The following KDM3B variants were observed in gnomAD, a reference collection of about 807,000 sequenced individuals.
KDM3B encodes the protein lysine-specific demethylase 3B.
Under a neutral mutation model 170.0 loss-of-function variants are expected in KDM3B, and 10 were observed. The observed-to-expected ratio is 0.06, with a 90% CI of 0.04 to 0.10. The LOEUF is 0.10. Among genes scored for constraint, KDM3B ranks in the 10% least tolerant of loss-of-function variants. The probability of loss-of-function intolerance (pLI) is 1.00; values close to 1 mark genes in which losing one functional copy is unlikely to be tolerated. For missense variants in KDM3B, 1,394 were observed against 2,195.2 expected (o/e 0.64, Z 7.29); for synonymous variants, 831 against 834.8 (o/e 1.00, Z 0.08).
Position 138,427,000 on chromosome 5 carries a change from G to A in KDM3B, c.4437G>A (p.Gln1479=). 1 of 1,614,132 alleles carries A rather than the reference G, an allele frequency of 6.2e-7. No individual in the cohort carries two copies. The highest frequency in any genetic ancestry group is 8.5e-7 in the Non-Finnish European group (1 of 1,180,012). ...ICKRLRSEDG[Q]PMVLKLKDWP... ...AACGACTACGGTCAGAAGATGGGCAGCCAATGGTGCTCAAACTCAAGGACT... is the reference window on the plus strand; with the variant it reads ...AACGACTACGGTCAGAAGATGGGCAACCAATGGTGCTCAAACTCAAGGACT... The change falls in exon 18 of 24, where the codon CAG becomes CAA. Residue 1479 remains glutamine (Q), a synonymous_variant. Coordinates refer to ENST00000314358, the MANE Select transcript of KDM3B (RefSeq NM_016604.4).
At chr5:138,361,952 T>C (rs1042100567) in intron 1 of KDM3B, among the ~76,000 whole-genome samples, 2 of 152,182 alleles carry the variant, frequency 1.3e-5, no homozygotes, top group Non-Finnish European at 2.9e-5. Context: ...GATCTCAAAC[T>C]GAAGGCACTT....
At chr5:138,412,373 C>G in intron 11 of KDM3B, among the ~76,000 whole-genome samples, 1 of 150,936 alleles carries the variant, frequency 6.6e-6, no homozygotes, top group East Asian at 2.0e-4. Context: ...TGAAAATAGC[C>G]CAGGCACAGT....
intron 23 of KDM3B, 118 bp from the exon 24 acceptor site, chr5:138,435,501 AC>A: frequency 1.4e-6 from 1 of 701,824 alleles, no homozygotes; most frequent in South Asian, 1.7e-5. Context: ...GGGGATTGAT[AC>A]AGGAACGCAC....
At chr5:138,404,410 C>T (rs1172335317) in intron 11 of KDM3B, among the ~76,000 whole-genome samples, 3 of 152,106 alleles carry the variant, frequency 2.0e-5, no homozygotes, top group East Asian at 3.9e-4. Context: ...GCGGGATCAC[C>T]TGAGGTCGGG....
intron 7 of KDM3B, among the ~76,000 whole-genome samples, chr5:138,389,780 C>CTGTG (rs1230677685): frequency 0.021 from 2,490 of 120,182 alleles, 37 homozygotes; most frequent in African/African-American, 0.057. Flanking sequence ...CTCTCTCTCT[C>CTGTG]TCTGTGTGTG....
chr5:138,397,366 G>T (rs188219321), intron 9 of KDM3B, among the ~76,000 whole-genome samples: 3 of 152,038 alleles, frequency 2.0e-5, no homozygotes, highest in Non-Finnish European at 2.9e-5. Flanking sequence ...AAATTATTTG[G>T]ATGTGGTGGC....
At chr5:138,400,910 A>T (rs1580921854) in intron 11 of KDM3B, among the ~76,000 whole-genome samples, 2 of 142,126 alleles carry the variant, frequency 1.4e-5, no homozygotes, top group African/African-American at 5.3e-5. Context: ...TTTTTTTTTG[A>T]GACTAATGCT....
intron 6 of KDM3B, among the ~76,000 whole-genome samples, chr5:138,385,621 C>A (rs1417166706): frequency 1.3e-5 from 2 of 152,202 alleles, no homozygotes; most frequent in Non-Finnish European, 2.9e-5. Flanking sequence ...ACTTAAAATG[C>A]AAGTTTCTTT....
At chr5:138,380,426 G>A (rs1476654580) in intron 5 of KDM3B, among the ~76,000 whole-genome samples, 2 of 150,566 alleles carry the variant, frequency 1.3e-5, no homozygotes, top group East Asian at 1.9e-4. Context: ...AGTACATATA[G>A]TTATATAATT....
In KDM3B at chr5:138,381,516, A is replaced by G. The variant is rs1417664841; in HGVS notation, c.706A>G (p.Ser236Gly). Residue 236 changes from serine to glycine, a missense_variant and splice_region_variant, in exon 6 of 24, where the codon AGT (serine) becomes GGT (glycine). By Grantham distance (56) the Ser-to-Gly change is moderately conservative. Coordinates refer to ENST00000314358, the MANE Select transcript of KDM3B (RefSeq NM_016604.4). The stretch of plus-strand genomic sequence containing the variant: ...ATATCTTTTTCCCCTCCTACTGTAG[A>G]GTGGTGAGATCAAGTCGGTAGATCC... ...TRLMEVSVTESGEIKSVDPRL... is the reference protein window; with the variant it reads ...TRLMEVSVTEGGEIKSVDPRL... 1 of 1,565,410 alleles carries G rather than the reference A, an allele frequency of 6.4e-7. No homozygotes were observed. Among genetic ancestry groups the G allele is most frequent in the East Asian group, 2.2e-5 (1 of 44,672 alleles).
Position 138,372,513 on chromosome 5 carries a change from C to CT in KDM3B, c.193-160dup, listed in dbSNP as rs1301503157. ...AATGTGGCTGAGACCAGCTTCCTGGCTCTGAAGATCAGCTATTATTGACAC... is the reference window on the plus strand; with the variant it reads ...AATGTGGCTGAGACCAGCTTCCTGGCTTCTGAAGATCAGCTATTATTGACAC... On this transcript the variant is annotated intron_variant, in intron 1 of 23. Coordinates refer to ENST00000314358, the MANE Select transcript of KDM3B (RefSeq NM_016604.4). 1.7e-4 allele frequency among the ~76,000 whole-genome samples: 26 copies of CT among 152,312 alleles called. 1 individual carries two copies. In the East Asian group the frequency reaches 3.9e-3, roughly 23 times the overall value.
At chr5:138,427,823 G>A in intron 19 of KDM3B, 144 bp from the exon 20 acceptor site, 1 of 760,062 alleles carries the variant, frequency 1.3e-6, no homozygotes, top group Non-Finnish European at 2.2e-6. Context: ...AGAGATGAAA[G>A]TGATTTCTTC....
intron 21 of KDM3B, 46 bp from the exon 22 acceptor site, chr5:138,430,203 T>C: frequency 6.3e-7 from 1 of 1,599,194 alleles, no homozygotes; most frequent in Non-Finnish European, 8.6e-7. Flanking sequence ...TTTATGCTGT[T>C]AATGATTTTT....
intron 1 of KDM3B, among the ~76,000 whole-genome samples, chr5:138,358,441 T>C (rs1325936626): frequency 6.6e-6 from 1 of 151,358 alleles, no homozygotes; most frequent in African/African-American, 2.4e-5. Context: ...TAGCTGAGAT[T>C]ACAGGCGTGC....
intron 11 of KDM3B, among the ~76,000 whole-genome samples, chr5:138,403,736 C>T (rs1179709994): frequency 6.8e-6 from 1 of 148,090 alleles, no homozygotes; most frequent in Non-Finnish European, 1.5e-5. Flanking sequence ...CTCACACCTG[C>T]AATCCCAGCA....
chr5:138,362,913 T>C (rs2126910851), intron 1 of KDM3B, among the ~76,000 whole-genome samples: 1 of 150,126 alleles, frequency 6.7e-6, no homozygotes, highest in East Asian at 1.9e-4. Context: ...TCTATAATTT[T>C]ATATGATAAT....
chr5:138,385,297 C>T (rs1762229789), intron 6 of KDM3B, among the ~76,000 whole-genome samples: 1 of 152,198 alleles, frequency 6.6e-6, no homozygotes, highest in Non-Finnish European at 1.5e-5. Flanking sequence ...GTTGGGATTA[C>T]AGGCATGAGC....
intron 6 of KDM3B, among the ~76,000 whole-genome samples, chr5:138,385,570 G>A (rs1225735190): frequency 6.6e-6 from 1 of 152,174 alleles, no homozygotes; most frequent in Non-Finnish European, 1.5e-5. Context: ...CACAAACGTT[G>A]GTTTAGTGAC....
chr5:138,365,550 G>A (rs746171425), intron 1 of KDM3B, among the ~76,000 whole-genome samples: 1 of 151,880 alleles, frequency 6.6e-6, no homozygotes, highest in African/African-American at 2.4e-5. Flanking sequence ...GAGCCATGGC[G>A]CATGGCCTAT....
Sources: gnomAD v4.1 joint callset for allele counts (sites outside exome capture counted in the v4.1 genomes callset) on GRCh38, gnomAD v4.1.1 for gene constraint, MANE v1.5 for transcripts, NCBI Gene and HGNC (gene_info 2026-07-23, HGNC 2026-07-21) for gene names.